HEMK2: variants seen among roughly 807,000 people sequenced by gnomAD.
HEMK2 encodes the protein methyltransferase HEMK2.
chr21:28,597,484 A>G, the HEMK2 span, among the ~76,000 whole-genome samples: 1 of 152,250 alleles, frequency 6.6e-6, no homozygotes, highest in African/African-American at 2.4e-5. Flanking sequence ...GGAAGTGATC[A>G]AATTCTTTTT....
the HEMK2 span, among the ~76,000 whole-genome samples, chr21:28,627,454 ATC>A: frequency 2.6e-5 from 4 of 152,188 alleles, no homozygotes; most frequent in African/African-American, 7.2e-5. Context: ...AACAATAACC[ATC>A]TGTTTCATTT....
At chr21:28,807,353 G>T in the HEMK2 span, among the ~76,000 whole-genome samples, 10 of 152,162 alleles carry the variant, frequency 6.6e-5, no homozygotes, top group Admixed American at 5.9e-4. Flanking sequence ...CAATCCATCT[G>T]TGTGTCCTCT....
At chr21:28,799,272 C>T in the HEMK2 span, among the ~76,000 whole-genome samples, 1 of 152,182 alleles carries the variant, frequency 6.6e-6, no homozygotes, top group East Asian at 1.9e-4. Context: ...CACATGGTGG[C>T]AAACAAGAGA....
chr21:28,879,179 G>C, the HEMK2 span, among the ~76,000 whole-genome samples: 1 of 150,036 alleles, frequency 6.7e-6, no homozygotes, highest in Non-Finnish European at 1.5e-5. Flanking sequence ...CCACCTTGTG[G>C]GCTCAGGTGA....
the HEMK2 span, among the ~76,000 whole-genome samples, chr21:28,782,810 AC>A: frequency 6.6e-6 from 1 of 152,254 alleles, no homozygotes; most frequent in Non-Finnish European, 1.5e-5. Flanking sequence ...TGAATTGTAC[AC>A]TTTAAATTAG....
chr21:28,797,532 T>C, the HEMK2 span, among the ~76,000 whole-genome samples: 1 of 151,828 alleles, frequency 6.6e-6, no homozygotes, highest in Non-Finnish European at 1.5e-5. Context: ...GGAGAATCGC[T>C]TGAATCTGGG....
chr21:28,841,601 T>G, the HEMK2 span, among the ~76,000 whole-genome samples: 1 of 148,186 alleles, frequency 6.7e-6, no homozygotes, highest in African/African-American at 2.5e-5. Flanking sequence ...CTCACTGATA[T>G]GTGGGAGCTA....
the HEMK2 span, among the ~76,000 whole-genome samples, chr21:28,776,930 T>A: frequency 6.6e-5 from 10 of 152,194 alleles, no homozygotes; most frequent in Admixed American, 4.6e-4. Context: ...CCCAGGCCAC[T>A]GACTCAAAAG....
the HEMK2 span, among the ~76,000 whole-genome samples, chr21:28,783,860 G>A: frequency 1.9e-3 from 287 of 152,322 alleles, 1 homozygote; most frequent in Middle Eastern, 0.02. Flanking sequence ...GCGGCCGGCC[G>A]GCACCACCAG....
the HEMK2 span, chr21:28,874,292 C>A: frequency 6.6e-6 from 1 of 152,220 alleles, no homozygotes; most frequent in African/African-American, 2.4e-5. Context: ...TTAGCAGACA[C>A]CCTGCGCGAA....
chr21:28,844,629 T>C, the HEMK2 span, among the ~76,000 whole-genome samples: 1 of 152,112 alleles, frequency 6.6e-6, no homozygotes, highest in South Asian at 2.1e-4. Flanking sequence ...TTAATAGATG[T>C]TGGCAAATGG....
the HEMK2 span, among the ~76,000 whole-genome samples, chr21:28,831,214 G>A: frequency 1.3e-5 from 2 of 151,968 alleles, no homozygotes; most frequent in Admixed American, 6.6e-5. Context: ...GGAGGCCGAG[G>A]TGGGTGGATC....
the HEMK2 span, chr21:28,882,293 G>T: frequency 6.9e-7 from 1 of 1,458,714 alleles, no homozygotes; most frequent in South Asian, 1.2e-5. Context: ...ATGTCCATAA[G>T]GCAAATCTGT....
the HEMK2 span, among the ~76,000 whole-genome samples, chr21:28,780,112 T>A: frequency 2.6e-5 from 4 of 152,152 alleles, no homozygotes; most frequent in Non-Finnish European, 4.4e-5. Context: ...CCATGAGCTA[T>A]GAGCTTATGA....
At chr21:28,841,014 A>AATATATAAATAAATATTATATATT in the HEMK2 span, among the ~76,000 whole-genome samples, 7 of 114,642 alleles carry the variant, frequency 6.1e-5, no homozygotes, top group Non-Finnish European at 1.2e-4. Flanking sequence ...TTATATATAT[A>AATATATAAATAAATATTATATATT]ATATATAAAT....
the HEMK2 span, among the ~76,000 whole-genome samples, chr21:28,784,339 G>A: frequency 2.2e-4 from 34 of 152,072 alleles, no homozygotes; most frequent in Admixed American, 6.5e-4. Context: ...CCTGTGTCCA[G>A]CTCAAGGTTT....
At chr21:28,663,292 T>A in the HEMK2 span, among the ~76,000 whole-genome samples, 2 of 152,202 alleles carry the variant, frequency 1.3e-5, no homozygotes, top group African/African-American at 4.8e-5. Flanking sequence ...GCAGCAGCCA[T>A]CCAGCCAGCC....
chr21:28,836,155 CA>C, the HEMK2 span, among the ~76,000 whole-genome samples: 2 of 152,088 alleles, frequency 1.3e-5, no homozygotes, highest in African/African-American at 4.8e-5. Flanking sequence ...AAATTCATCG[CA>C]AAAAGATCTT....
chr21:28,763,711 T>C, the HEMK2 span, among the ~76,000 whole-genome samples: 13 of 152,254 alleles, frequency 8.5e-5, no homozygotes, highest in Non-Finnish European at 1.3e-4. Flanking sequence ...GGGGAAGCTA[T>C]GTCATCATAA....
Sources: gnomAD v4.1 joint callset for allele counts (sites outside exome capture counted in the v4.1 genomes callset) on GRCh38, gnomAD v4.1.1 for gene constraint, MANE v1.5 for transcripts, NCBI Gene and HGNC (gene_info 2026-07-23, HGNC 2026-07-21) for gene names.